GCC2: variants seen among roughly 807,000 people sequenced by gnomAD.
The protein encoded by GCC2 is GRIP and coiled-coil domain-containing protein 2.
Under a neutral mutation model 210.6 loss-of-function variants are expected in GCC2, and 120 were observed. The ratio of observed to expected loss-of-function variants is 0.57; its 90% CI spans 0.49 to 0.66. The LOEUF (loss-of-function observed/expected upper bound fraction) is 0.66. Ranked by LOEUF, GCC2 falls within the 30% of genes least tolerant of loss-of-function variation. The pLI, the probability that GCC2 is intolerant of heterozygous loss-of-function variation, is 0.00. For missense variants in GCC2, 1,868 were observed against 1,871.9 expected (o/e 1.00, Z 0.04); for synonymous variants, 703 against 652.7 (o/e 1.08, Z -1.17).
rs1051216032 is a variant in GCC2, at chr2:108,496,868, A to C, written c.4643-102A>C. The C allele has an allele frequency of 1.4e-5, 21 of 1,513,220 alleles. No individual in the cohort carries two copies. The African/African-American group carries it at 2.4e-4, about 17-fold the overall frequency. 93.7% of individuals were successfully genotyped at this position (1,513,220 alleles called of 1,614,324 possible). ...AATGGCAAAGAAAGCAGACCTATAA[A>C]ATATCACATAGTAAGATATTTATAT... On this transcript the variant is annotated intron_variant, in intron 20 of 22. Transcript: ENST00000309863.
At chr2:108,465,095 A>G (rs1426059725) in intron 4 of GCC2, among the ~76,000 whole-genome samples, 1 of 152,206 alleles carries the variant, frequency 6.6e-6, no homozygotes, top group African/African-American at 2.4e-5. Context: ...AACACCTCCC[A>G]CTAGACCCCA....
chr2:108,507,431 T>C, intron 22 of GCC2, 129 bp from the exon 23 acceptor site: 1 of 329,742 alleles, frequency 3.0e-6, no homozygotes, highest in South Asian at 3.0e-5. Flanking sequence ...AAAAGGCATG[T>C]AATCAGTAAA....
Position 108,471,595 on chromosome 2 carries a change from A to G in GCC2, c.2266A>G (p.Lys756Glu), listed in dbSNP as rs1364082251. 1 of 1,612,426 alleles carries G rather than the reference A, an allele frequency of 6.2e-7. No homozygotes were observed. Among genetic ancestry groups the G allele is most frequent in the Admixed American group, 1.7e-5 (1 of 59,758 alleles). ...TGAGCAAGTTCAGAAGTTATTTGTT[A>G]AAACTCAGTTGTATGGTTTTCTTAA... ...ENEQVQKLFV[K>E]TQLYGFLKEM... Residue 756 changes from lysine to glutamate, a missense_variant, in exon 6 of 23, where the codon AAA (lysine) becomes GAA (glutamate). This residue lies in a region of GCC2 where 1,847 missense variants were observed against 1,765.2 expected (regional missense o/e 1.05). Coordinates refer to ENST00000309863, the MANE Select transcript of GCC2 (RefSeq NM_181453.4).
At chr2:108,473,057 G>A in intron 7 of GCC2, 158 bp downstream of exon 7, 1 of 497,480 alleles carries the variant, frequency 2.0e-6, no homozygotes, top group South Asian at 3.3e-5. Flanking sequence ...TCTAACACCT[G>A]TTTGCCTTCT....
intron 7 of GCC2, 111 bp downstream of exon 7, chr2:108,473,010 C>T (rs185228782): frequency 4.6e-5 from 28 of 603,846 alleles, no homozygotes; most frequent in Admixed American, 1.5e-4. Context: ...AAACACAGTT[C>T]GTAGCTGTCT....
rs1393885010 is a variant in GCC2, at chr2:108,507,608, A to G, written c.5033A>G (p.His1678Arg). 5 of 1,602,120 alleles carry G rather than the reference A, an allele frequency of 3.1e-6. No homozygotes were observed. The highest frequency in any genetic ancestry group is 1.7e-5 in the Admixed American group (1 of 59,512). Reference sequence around the variant, plus strand: ...TCTTCTGGATGGGCATCCTATCTTCATAGTTGGTCTGGACTTCGATAGGTT... The same window carrying G: ...TCTTCTGGATGGGCATCCTATCTTCGTAGTTGGTCTGGACTTCGATAGGTT... The part of the protein sequence containing the change: ...SRSSGWASYL[H>R]SWSGLR Residue 1678 changes from histidine (H) to arginine (R), a missense_variant, in exon 23 of 23, where the codon CAT becomes CGT. His to Arg is a conservative substitution (Grantham distance 29). Transcript: ENST00000309863.
chr2:108,470,497 T>C lies in GCC2; in HGVS notation c.1168T>C (p.Leu390=). The C allele has an allele frequency of 1.2e-6, 2 of 1,610,210 alleles. No homozygotes were observed. The highest frequency in any genetic ancestry group is 3.4e-5 in the Admixed American group (2 of 59,678). Residue 390 remains leucine, a synonymous_variant, in exon 6 of 23, where the codon TTA becomes CTA. Coordinates refer to ENST00000309863, the MANE Select transcript of GCC2 (RefSeq NM_181453.4). ...REDLEFKINE[L]LLAKEEQGCV... is the part of the protein sequence containing the mutation. ...AGACTTAGAGTTTAAAATTAATGAA[T>C]TATTACTAGCTAAAGAAGAACAGGG...
At chr2:108,495,833 G>A (rs1682624270) in intron 20 of GCC2, 1 of 162,412 alleles carries the variant, frequency 6.2e-6, no homozygotes, top group Non-Finnish European at 1.3e-5. Flanking sequence ...TGTAGGTTGG[G>A]AGGCTAGGCC....
At chr2:108,469,182 T>C (rs1302294400) in intron 5 of GCC2, 98 bp downstream of exon 5, 4 of 585,604 alleles carry the variant, frequency 6.8e-6, no homozygotes, top group South Asian at 6.2e-5. Context: ...ATCTGATTAA[T>C]ATTTTATAAT....
intron 2 of GCC2, among the ~76,000 whole-genome samples, 159 bp from the exon 3 acceptor site, chr2:108,450,869 G>A (rs1679901932): frequency 6.6e-6 from 1 of 152,098 alleles, no homozygotes; most frequent in South Asian, 2.1e-4. Flanking sequence ...GCAATAGAGC[G>A]AGACTCTGTC....
intron 9 of GCC2, among the ~76,000 whole-genome samples, chr2:108,476,054 C>CTTTTTTTTTTTTTTTTTT (rs56236751): frequency 2.1e-5 from 2 of 96,328 alleles, no homozygotes; most frequent in Admixed American, 1.2e-4. Flanking sequence ...TAGTGGCTTG[C>CTTTTTTTTTTTTTTTTTT]TTTTTTTTTT....
chr2:108,460,652 G>C (rs181550236), intron 4 of GCC2, among the ~76,000 whole-genome samples: 5 of 152,100 alleles, frequency 3.3e-5, no homozygotes, highest in Non-Finnish European at 5.9e-5. Context: ...GCTTTTGCTC[G>C]TCTGGAGAAG....
chr2:108,485,669 A>C lies in GCC2; in HGVS notation c.3647A>C (p.Glu1216Ala). 6.3e-7 allele frequency: 1 copy of C among 1,593,112 alleles called. No homozygotes were observed. Residue 1216 changes from glutamate to alanine, a missense_variant, in exon 14 of 23, where the codon GAA becomes GCA. Around this residue, in one of 3 missense-constraint regions of GCC2, gnomAD observed 1,847 missense variants for 1,765.2 expected, o/e 1.05. Transcript: ENST00000309863. ...CAGTCTTCAGTACAACAATATGAAG[A>C]AAAAAACACCAAAATCAAGCAATTG... is the stretch of plus-strand genomic sequence containing the variant. ...SLQSSVQQYE[E>A]KNTKIKQLLV...
Position 108,507,688 on chromosome 2 carries a change from C to T in GCC2, c.*58C>T, listed in dbSNP as rs1286626146. The T allele has an allele frequency of 7.7e-6, 9 of 1,170,266 alleles. No individual in the cohort carries two copies. Among genetic ancestry groups the T allele is most frequent in the East Asian group, 2.4e-5 (1 of 42,058 alleles). The allele number at this position is 1,170,266 out of a possible 1,614,324, so 72.5% of individuals were successfully genotyped here. ...AGAATCTATTTACAAAAATGGTTCA[C>T]GTATATTACCACAATTCTTTTGTCA... On this transcript the variant is annotated 3_prime_UTR_variant, in exon 23 of 23. Transcript: ENST00000309863.
At chr2:108,453,693 G>A (rs1031909241) in intron 4 of GCC2, among the ~76,000 whole-genome samples, 1 of 151,678 alleles carries the variant, frequency 6.6e-6, no homozygotes, top group Non-Finnish European at 1.5e-5. Context: ...GCTGAGGCAC[G>A]AGGATTGCTT....
chr2:108,456,739 C>T (rs902783457), intron 4 of GCC2, among the ~76,000 whole-genome samples: 6 of 150,128 alleles, frequency 4.0e-5, no homozygotes, highest in African/African-American at 2.4e-5. Flanking sequence ...TCACTTGAGC[C>T]GAGCAGTTTG....
chr2:108,471,064 G>C lies in GCC2; in HGVS notation c.1735G>C (p.Asp579His), dbSNP rs1290135176. ...ATACTTACTTAGTCTCAGTCAAAGAGATACCATGTTAAAAGAATTAGAAGG... is the reference window on the plus strand; with the variant it reads ...ATACTTACTTAGTCTCAGTCAAAGACATACCATGTTAAAAGAATTAGAAGG... ...GVYLLSLSQRDTMLKELEGKI... is the reference protein window; with the variant it reads ...GVYLLSLSQRHTMLKELEGKI... Residue 579 changes from aspartate (D) to histidine (H), a missense_variant, in exon 6 of 23, where the codon GAT (aspartate) becomes CAT (histidine). Asp to His is a moderately conservative substitution (Grantham distance 81, BLOSUM62 -1). Around this residue, in one of 3 missense-constraint regions of GCC2, gnomAD observed 1,847 missense variants for 1,765.2 expected, o/e 1.05. Coordinates refer to ENST00000309863, the MANE Select transcript of GCC2 (RefSeq NM_181453.4). The C allele has an allele frequency of 1.3e-6, 2 of 1,585,972 alleles. No individual in the cohort carries two copies. Among genetic ancestry groups the C allele is most frequent in the Non-Finnish European group, 1.7e-6 (2 of 1,158,298 alleles).
chr2:108,492,495 T>TG (rs1378926584), intron 18 of GCC2, 78 bp from the exon 19 acceptor site: 3 of 879,376 alleles, frequency 3.4e-6, no homozygotes, highest in Non-Finnish European at 5.6e-6. Flanking sequence ...CTAATTCTCT[T>TG]GCAGAACCCA....
intron 18 of GCC2, among the ~76,000 whole-genome samples, chr2:108,490,543 G>A (rs1682357975): frequency 6.6e-6 from 1 of 151,992 alleles, no homozygotes; most frequent in Admixed American, 6.6e-5. Flanking sequence ...GTATTAGGCT[G>A]AGGAAAAGAA....
Sources: allele counts gnomAD v4.1 joint callset (sites outside exome capture counted in the v4.1 genomes callset), GRCh38; gene constraint gnomAD v4.1.1; regional missense constraint gnomAD v4.1.1; transcripts MANE v1.5; gene names NCBI Gene and HGNC (gene_info 2026-07-23, HGNC 2026-07-21).